The following CIB2 variants were observed in gnomAD, a reference collection of about 807,000 sequenced individuals.
CIB2 encodes the protein calcium and integrin-binding family member 2.
In CIB2, 19 loss-of-function variants were observed where a neutral mutation model predicts 23.1. The observed-to-expected ratio is 0.82, with a 90% CI of 0.57 to 1.21. CIB2 has a LOEUF of 1.21. CIB2 is among the 50% of genes most tolerant of loss of function. The pLI, the probability that CIB2 is intolerant of heterozygous loss-of-function variation, is 0.00. For missense variants in CIB2, 220 were observed against 241.5 expected (o/e 0.91, Z 0.59); for synonymous variants, 94 against 91.7 (o/e 1.03, Z -0.14).
chr15:78,117,955 G>T (rs767626307), intron 2 of CIB2, among the ~76,000 whole-genome samples: 1 of 152,194 alleles, frequency 6.6e-6, no homozygotes, highest in Non-Finnish European at 1.5e-5. Flanking sequence ...TATATGTGCA[G>T]TTATGTGAAT....
rs376230266 is a variant in CIB2, at chr15:78,127,546, A to G, written c.51+3619T>C. 9.2e-5 allele frequency among the ~76,000 whole-genome samples: 14 copies of G among 152,160 alleles called. 1 individual carries two copies. Among genetic ancestry groups the G allele is most frequent in the African/African-American group, 3.4e-4 (14 of 41,490 alleles). On this transcript the variant is annotated intron_variant, in intron 1 of 5. Coordinates refer to ENST00000258930, the MANE Select transcript of CIB2 (RefSeq NM_006383.4). Reference sequence around the variant, plus strand: ...GAGTTCTGCCTCCGAGCCTATATTCACCCTATTCCCCAACTGGAGTGCCCT... The same window carrying G: ...GAGTTCTGCCTCCGAGCCTATATTCGCCCTATTCCCCAACTGGAGTGCCCT...
chr15:78,121,161 T>C (rs1185885024), intron 2 of CIB2, among the ~76,000 whole-genome samples: 1 of 152,042 alleles, frequency 6.6e-6, no homozygotes, highest in African/African-American at 2.4e-5. Context: ...TCCCTGAGGG[T>C]GGACAGGTGG....
intron 3 of CIB2, among the ~76,000 whole-genome samples, chr15:78,109,977 C>T (rs1179214510): frequency 6.6e-6 from 1 of 152,124 alleles, no homozygotes; most frequent in South Asian, 2.1e-4. Context: ...AAGATGACAG[C>T]CCAGGGCACT....
chr15:78,116,302 A>T (rs116498303), intron 2 of CIB2, among the ~76,000 whole-genome samples: 5,311 of 151,566 alleles, frequency 0.035, 134 homozygotes, highest in East Asian at 0.15. Flanking sequence ...CTCTACAAAA[A>T]ATATATATAT....
Position 78,106,470 on chromosome 15 carries a change from C to A in CIB2, c.347-536G>T, listed in dbSNP as rs184924372. Among the ~76,000 whole-genome samples the A allele has an allele frequency of 1.1e-3, 165 of 152,258 alleles. No homozygotes were observed. In the Middle Eastern group the frequency reaches 0.014, roughly 13 times the overall value. On this transcript the variant is annotated intron_variant, in intron 4 of 5. Transcript: ENST00000258930. ...CACGGTGGGTCAGGAGACTCAAAAT[C>A]AAAAGACCCTTAGAGAGGGGCCTGT...
At chr15:78,127,060 C>G (rs1567060035) in intron 1 of CIB2, among the ~76,000 whole-genome samples, 1 of 152,194 alleles carries the variant, frequency 6.6e-6, no homozygotes, top group Non-Finnish European at 1.5e-5. Context: ...ATAGGCCTCT[C>G]TGAAGGGGAC....
intron 2 of CIB2, among the ~76,000 whole-genome samples, chr15:78,119,364 T>G (rs2074286340): frequency 6.6e-6 from 1 of 152,198 alleles, no homozygotes. Context: ...CTTCCACCTT[T>G]TGTGAATAAT....
At chr15:78,115,178 A>G (rs1452085126) in intron 2 of CIB2, among the ~76,000 whole-genome samples, 2 of 152,254 alleles carry the variant, frequency 1.3e-5, no homozygotes, top group African/African-American at 4.8e-5. Flanking sequence ...GAGTAGAGAA[A>G]TGTGAAAAGA....
chr15:78,119,191 C>T (rs963039135), intron 2 of CIB2, among the ~76,000 whole-genome samples: 4 of 151,656 alleles, frequency 2.6e-5, no homozygotes, highest in African/African-American at 9.7e-5. Context: ...TAAGTGGAAT[C>T]GTATATGTCA....
intron 2 of CIB2, among the ~76,000 whole-genome samples, chr15:78,120,983 GT>G (rs1337850207): frequency 8.5e-5 from 13 of 152,168 alleles, no homozygotes; most frequent in Admixed American, 7.2e-4. Flanking sequence ...GACCTGAGAT[GT>G]GAACAGTGGA....
intron 3 of CIB2, 197 bp from the exon 4 acceptor site, chr15:78,109,579 T>C (rs1456153437): frequency 3.1e-6 from 2 of 640,008 alleles, no homozygotes; most frequent in Admixed American, 5.0e-5. Flanking sequence ...CTAAAGTATG[T>C]AAGGTGTTGG....
chr15:78,119,140 A>G (rs2074283021), intron 2 of CIB2, among the ~76,000 whole-genome samples: 1 of 151,068 alleles, frequency 6.6e-6, no homozygotes, highest in Non-Finnish European at 1.5e-5. Context: ...CAGACTTTAA[A>G]AAAAAAAAAA....
At chr15:78,116,359 T>C (rs1435005855) in intron 2 of CIB2, among the ~76,000 whole-genome samples, 1 of 151,098 alleles carries the variant, frequency 6.6e-6, no homozygotes. Flanking sequence ...CCCAGCTACT[T>C]GGGAGGCAGA....
intron 4 of CIB2, among the ~76,000 whole-genome samples, chr15:78,108,197 G>A (rs1489178554): frequency 1.2e-5 from 1 of 80,944 alleles, no homozygotes; most frequent in Non-Finnish European, 2.6e-5. Context: ...GTGGGACTCT[G>A]TCTCAAAAAA....
chr15:78,122,933 G>A lies in CIB2; in HGVS notation c.86+772C>T, dbSNP rs143814228. On this transcript the variant is annotated intron_variant, in intron 2 of 5. Coordinates refer to ENST00000258930, the MANE Select transcript of CIB2 (RefSeq NM_006383.4). ...GGGCTCTGGTCCCAGCCTGACCATC[G>A]ATCTCCAGGGCAAGTGATCCTGGGA... Among the ~76,000 whole-genome samples the A allele has an allele frequency of 5.1e-3, 776 of 152,328 alleles. 4 individuals are homozygous for A. Among genetic ancestry groups the A allele is most frequent in the African/African-American group, 0.017 (722 of 41,550 alleles).
At chr15:78,123,623 A>G in intron 2 of CIB2, 82 bp downstream of exon 2, 2 of 1,440,746 alleles carry the variant, frequency 1.4e-6, no homozygotes, top group South Asian at 1.1e-5. Context: ...CCCCAGGAGC[A>G]CAGCCAGCCC....
At chr15:78,121,098 C>G (rs2074311729) in intron 2 of CIB2, among the ~76,000 whole-genome samples, 1 of 152,166 alleles carries the variant, frequency 6.6e-6, no homozygotes, top group Non-Finnish European at 1.5e-5. Flanking sequence ...CATGGCCATG[C>G]CTGTTCCCTC....
At chr15:78,111,604 T>C (rs1160997702) in intron 2 of CIB2, among the ~76,000 whole-genome samples, 1 of 152,222 alleles carries the variant, frequency 6.6e-6, no homozygotes, top group Non-Finnish European at 1.5e-5. Context: ...AAGGGTTTTC[T>C]ATGCTCAGGA....
intron 2 of CIB2, among the ~76,000 whole-genome samples, chr15:78,116,038 A>AT (rs1192211351): frequency 1.3e-5 from 2 of 151,940 alleles, no homozygotes; most frequent in South Asian, 2.1e-4. Context: ...ACATGTATAG[A>AT]TTTTTTTTCT....
Sources: gnomAD v4.1 joint callset for allele counts (sites outside exome capture counted in the v4.1 genomes callset) on GRCh38, gnomAD v4.1.1 for gene constraint, MANE v1.5 for transcripts, NCBI Gene and HGNC (gene_info 2026-07-23, HGNC 2026-07-21) for gene names.